PWWP2A: variants seen among roughly 807,000 people sequenced by gnomAD.
PWWP2A encodes the protein PWWP domain-containing protein 2A.
PWWP2A carries 18 observed loss-of-function variants against 48.5 expected under a neutral mutation model. The observed-to-expected ratio is 0.37, with a 90% CI of 0.26 to 0.55. The LOEUF is 0.55. Ranked by LOEUF, PWWP2A falls within the 20% of genes least tolerant of loss-of-function variation. The pLI, the probability that PWWP2A is intolerant of heterozygous loss-of-function variation, is 0.81. For synonymous variants in PWWP2A, 396 were observed against 387.7 expected (o/e 1.02, Z -0.25); for missense variants, 867 against 976.4 (o/e 0.89, Z 1.49).
Position 160,092,549 on chromosome 5 carries a change from T to A in PWWP2A, c.2101A>T (p.Thr701Ser), listed in dbSNP as rs1755189450. 6.4e-7 allele frequency: 1 copy of A among 1,551,672 alleles called. No homozygotes were observed. Among genetic ancestry groups the A allele is most frequent in the Non-Finnish European group, 8.7e-7 (1 of 1,146,980 alleles). ...AGTTGTGAAAGAGCAAGGAAAGATG[T>A]TGTTGGAGACCCAAACCATGAAATA... is the stretch of plus-strand genomic sequence containing the variant. Reference protein sequence around the residue: ...ARISWFGSPTTSFLALSQLSP... With the variant: ...ARISWFGSPTSSFLALSQLSP... The change falls in exon 2 of 2, where the codon ACA (threonine) becomes TCA (serine). Residue 701 changes from threonine to serine, a missense_variant. By Grantham distance (58) the Thr-to-Ser change is moderately conservative. Around this residue, in one of 4 missense-constraint regions of PWWP2A, gnomAD observed 97 missense variants for 151.7 expected, o/e 0.64. Coordinates refer to ENST00000307063, the MANE Select transcript of PWWP2A (RefSeq NM_001130864.2).
At chr5:160,080,294 T>C (rs1754138291) in intron 3 of PWWP2A, among the ~76,000 whole-genome samples, 3 of 152,088 alleles carry the variant, frequency 2.0e-5, no homozygotes, top group South Asian at 2.1e-4. Context: ...AAGACGGAGA[T>C]AGTGAAAAGA....
At chr5:160,069,772 T>C (rs1753699397) in intron 2 of PWWP2A, among the ~76,000 whole-genome samples, 2 of 152,248 alleles carry the variant, frequency 1.3e-5, no homozygotes, top group Admixed American at 1.3e-4. Flanking sequence ...TAGCCTGTCT[T>C]GCACGGCCAT....
the PWWP2A span, among the ~76,000 whole-genome samples, chr5:160,047,816 C>T: frequency 1.3e-5 from 2 of 152,220 alleles, no homozygotes; most frequent in African/African-American, 4.8e-5. Context: ...CATAGTCCCT[C>T]TTCATATTCT....
At chr5:160,090,492 A>G (rs1198321984), downstream of PWWP2A, 1 of 983,226 alleles carries the variant, frequency 1.0e-6, no homozygotes, top group Non-Finnish European at 1.2e-6. Context: ...TTTTTTTTTA[A>G]GTATAGTTGT....
Position 160,094,064 on chromosome 5 carries a change from A to G in PWWP2A, c.586T>C (p.Phe196Leu). Residue 196 changes from phenylalanine (F) to leucine (L), a missense_variant and splice_region_variant, in exon 2 of 2, where the codon TTT (phenylalanine) becomes CTT (leucine). Coordinates refer to ENST00000307063, the MANE Select transcript of PWWP2A (RefSeq NM_001130864.2). ...SGVLMDLSKR[F>L]GPHGIPVTVF... ...GTCACAGGGATACCATGGGGCCCAA[A>G]CCTTTGAAAGAAATGGAAGAAAAAA... 1 of 1,583,734 alleles carries G rather than the reference A, an allele frequency of 6.3e-7. No homozygotes were observed. Among genetic ancestry groups the G allele is most frequent in the Non-Finnish European group, 8.6e-7 (1 of 1,163,532 alleles).
Position 160,119,258 on chromosome 5 carries a change from G to T in PWWP2A, c.131C>A (p.Ala44Asp). ...GCCATCCGGCACAGACGCTTCAGTG[G>T]CCGTGACCGGGAGGGGGTCAGTGCC... Reference protein sequence around the residue: ...EAGTDPLPVTATEASVPDGET... With the variant: ...EAGTDPLPVTDTEASVPDGET... The change falls in exon 1 of 2, where the codon GCC becomes GAC. Residue 44 changes from alanine (A) to aspartate (D), a missense_variant. Physicochemically the swap from Ala to Asp is moderately radical, Grantham distance 126. This residue lies in a region of PWWP2A where 385 missense variants were observed against 396.9 expected (regional missense o/e 0.97). Coordinates refer to ENST00000307063, the MANE Select transcript of PWWP2A (RefSeq NM_001130864.2). 1 of 1,407,156 alleles carries T rather than the reference G, an allele frequency of 7.1e-7. No individual in the cohort carries two copies. Among genetic ancestry groups the T allele is most frequent in the East Asian group, 2.9e-5 (1 of 33,940 alleles). 87.2% of individuals were successfully genotyped at this position (1,407,156 alleles called of 1,614,324 possible). A position where few individuals can be genotyped will look rare whatever the true frequency, so the allele number is the denominator to read the frequency against.
At chr5:160,057,564 G>A (rs941996549), downstream of PWWP2A, among the ~76,000 whole-genome samples, 4 of 152,144 alleles carry the variant, frequency 2.6e-5, no homozygotes, top group Non-Finnish European at 5.9e-5. This position sits in a 1 kb window ranked among gnomAD's most constrained non-coding sequence, Gnocchi z 4.4. Flanking sequence ...GCTAAACATT[G>A]GGGTGTCTGT....
chr5:160,071,334 T>C (rs1753734906), downstream of PWWP2A, among the ~76,000 whole-genome samples: 1 of 152,126 alleles, frequency 6.6e-6, no homozygotes, highest in Admixed American at 6.6e-5. Context: ...GCGCAGGAGC[T>C]TTTTAGAGGC....
At position 160,085,505 on chromosome 5, in the gene PWWP2A, C is replaced by CTT. The variant is rs5872628; in HGVS notation, c.1550-4737_1550-4736dup. On this transcript the variant is annotated intron_variant, in intron 2 of 3. Transcript: ENST00000456329. ...AGTATAAGCAAGTAACTGTCACATT[C>CTT]TTTTTTTTTTTTTTTTTTTGAGATG... Among the ~76,000 whole-genome samples, 381 of 109,794 alleles carry CTT rather than the reference C, an allele frequency of 3.5e-3. 3 individuals carry two copies. Among genetic ancestry groups the CTT allele is most frequent in the African/African-American group, 0.011 (322 of 29,610 alleles). The allele number at this position is 109,794 out of a possible 152,430, so 72.0% of individuals were successfully genotyped here. A position where few individuals can be genotyped will look rare whatever the true frequency, so the allele number is the denominator to read the frequency against.
At chr5:160,080,499 C>G (rs528119218) in intron 3 of PWWP2A, among the ~76,000 whole-genome samples, 116 of 152,246 alleles carry the variant, frequency 7.6e-4, no homozygotes, top group African/African-American at 2.6e-3. Flanking sequence ...AAACTATCAC[C>G]TACACGAGGC....
chr5:160,083,957 T>C (rs574413350), intron 2 of PWWP2A, among the ~76,000 whole-genome samples: 46 of 152,370 alleles, frequency 3.0e-4, no homozygotes, highest in African/African-American at 1.1e-3. Context: ...CTATTAAAAC[T>C]AGTGAGTCCA....
chr5:160,067,066 A>C (rs921122519), intron 2 of PWWP2A, among the ~76,000 whole-genome samples: 33 of 152,090 alleles, frequency 2.2e-4, no homozygotes, highest in African/African-American at 7.5e-4. Flanking sequence ...AAATTTTTAC[A>C]ATTTTTATGG....
At chr5:160,099,705 TCTCA>T (rs201038978) in intron 1 of PWWP2A, among the ~76,000 whole-genome samples, 1,975 of 146,694 alleles carry the variant, frequency 0.013, 40 homozygotes, top group African/African-American at 0.047. Flanking sequence ...GGAAACAGAG[TCTCA>T]CTCTGCTGCC....
At chr5:160,090,730 T>C (rs754959441), downstream of PWWP2A, 395 of 957,698 alleles carry the variant, frequency 4.1e-4, no homozygotes, top group Non-Finnish European at 4.7e-4. Context: ...AAATTGGATT[T>C]AGAAATCCAC....
chr5:160,118,477 C>T (rs1267581987), intron 1 of PWWP2A, among the ~76,000 whole-genome samples: 2 of 145,974 alleles, frequency 1.4e-5, no homozygotes, highest in African/African-American at 5.0e-5. Context: ...CTGCATCTTG[C>T]ATTAACCCAC....
At chr5:160,094,889 T>C (rs2113544086) in intron 1 of PWWP2A, among the ~76,000 whole-genome samples, 1 of 150,522 alleles carries the variant, frequency 6.6e-6, no homozygotes, top group African/African-American at 2.4e-5. Context: ...CTACTAAAAA[T>C]ACAAAAAGAT....
At chr5:160,101,368 G>A (rs1756269409) in intron 1 of PWWP2A, among the ~76,000 whole-genome samples, 1 of 152,058 alleles carries the variant, frequency 6.6e-6, no homozygotes, top group Non-Finnish European at 1.5e-5. Flanking sequence ...AGGAAATCAT[G>A]GCACATGCTA....
rs188529751 is a variant in PWWP2A, at chr5:160,093,993, C to T, written c.657G>A (p.Pro219=). 1.0e-4 allele frequency: 164 copies of T among 1,613,930 alleles called. No homozygotes were observed. Among genetic ancestry groups the T allele is most frequent in the African/African-American group, 9.9e-4 (74 of 75,038 alleles). ...REYKDKPEAM[P]LQSNTFQEGT... ...CTTCTTGGAATGTATTACTTTGGAG[C>T]GGCATGGCTTCTGGTTTATCCTTAT... Residue 219 remains proline (P), a synonymous_variant, in exon 2 of 2, where the codon CCG becomes CCA. Transcript: ENST00000307063. The surrounding 1 kb of genome is among the most constrained non-coding windows in gnomAD (Gnocchi z 5.8).
intron 1 of PWWP2A, among the ~76,000 whole-genome samples, chr5:160,112,176 GA>G (rs1561703332): frequency 7.9e-6 from 1 of 126,646 alleles, no homozygotes; most frequent in African/African-American, 2.9e-5. Flanking sequence ...AAAAAAGAAA[GA>G]AAAAAAGAGC....
Sources: gnomAD v4.1 joint callset for allele counts (sites outside exome capture counted in the v4.1 genomes callset) on GRCh38, gnomAD v4.1.1 for gene constraint, gnomAD v4.1.1 regional missense constraint, Gnocchi (gnomAD v3.1) non-coding constraint, MANE v1.5 for transcripts, NCBI Gene and HGNC (gene_info 2026-07-23, HGNC 2026-07-21) for gene names.